The following FRMPD1 variants were observed in gnomAD, a reference collection of about 807,000 sequenced individuals.
FRMPD1 encodes FERM and PDZ domain containing 1.
Under a neutral mutation model 117.8 loss-of-function variants are expected in FRMPD1, and 76 were observed. The ratio of observed to expected loss-of-function variants is 0.65; its 90% CI spans 0.54 to 0.78. The LOEUF (loss-of-function observed/expected upper bound fraction) is 0.78. FRMPD1 is among the 30% of genes least tolerant of loss of function. The probability of loss-of-function intolerance (pLI) is 0.00; values close to 1 mark genes in which losing one functional copy is unlikely to be tolerated. For synonymous variants in FRMPD1, 783 were observed against 770.4 expected (o/e 1.02, Z -0.27); for missense variants, 1,786 against 1,964.5 (o/e 0.91, Z 1.72).
At position 37,745,260 on chromosome 9, in the gene FRMPD1, G is replaced by A; in HGVS notation, c.3228G>A (p.Leu1076=). 2 of 1,612,578 alleles carry A rather than the reference G, an allele frequency of 1.2e-6. No individual in the cohort carries two copies. Among genetic ancestry groups the A allele is most frequent in the South Asian group, 1.1e-5 (1 of 91,050 alleles). The change falls in exon 16 of 16, where the codon TTG becomes TTA. Residue 1076 remains leucine (L), a synonymous_variant. Transcript: ENST00000377765. ...ETAPKYTEPL[L]SPRDEPRSDE... is the part of the protein sequence containing the mutation. Reference sequence around the variant, plus strand: ...CCCCCAAATACACAGAGCCTTTGTTGTCTCCTAGAGATGAGCCTAGAAGTG... The same window carrying A: ...CCCCCAAATACACAGAGCCTTTGTTATCTCCTAGAGATGAGCCTAGAAGTG...
intron 13 of FRMPD1, 72 bp from the exon 14 acceptor site, chr9:37,737,024 A>T: frequency 8.3e-7 from 1 of 1,201,726 alleles, no homozygotes; most frequent in Non-Finnish European, 1.2e-6. Context: ...TTGGTCCCAC[A>T]TGGCTTTGTT....
chr9:37,616,602 G>A, the FRMPD1 span, among the ~76,000 whole-genome samples: 2 of 152,194 alleles, frequency 1.3e-5, no homozygotes, highest in African/African-American at 4.8e-5. Flanking sequence ...CACCTGCACT[G>A]AGAAGAAATA....
At chr9:37,722,564 C>T (rs562169926) in intron 6 of FRMPD1, among the ~76,000 whole-genome samples, 5 of 152,090 alleles carry the variant, frequency 3.3e-5, no homozygotes, top group East Asian at 1.9e-4. Context: ...TGTGCCACCA[C>T]GCCCGGCTAA....
rs770969249 is a variant in FRMPD1, at chr9:37,746,790, C to T, written c.*21C>T. The T allele has an allele frequency of 1.3e-6, 2 of 1,561,566 alleles. No homozygotes were observed. The highest frequency in any genetic ancestry group is 1.8e-6 in the Non-Finnish European group (2 of 1,133,574). ...TGTAAACAGGTCAACGGCCCAAGGG[C>T]CTCCTGCCCTGTCCTGCCTTGGACA... On this transcript the variant is annotated 3_prime_UTR_variant, in exon 16 of 16. Coordinates refer to ENST00000377765, the MANE Select transcript of FRMPD1 (RefSeq NM_014907.3).
At chr9:37,707,251 CAGTCCTA>C (rs1822741619) in intron 2 of FRMPD1, among the ~76,000 whole-genome samples, 158 bp from the exon 3 acceptor site, 1 of 152,200 alleles carries the variant, frequency 6.6e-6, no homozygotes, top group Non-Finnish European at 1.5e-5. Context: ...TTTTAGAGGA[CAGTCCTA>C]AGTTCTGCTA....
intron 1 of FRMPD1, among the ~76,000 whole-genome samples, chr9:37,687,837 A>G (rs980419595): frequency 4.6e-5 from 7 of 152,256 alleles, no homozygotes; most frequent in East Asian, 1.9e-4. Context: ...GAGCTGTGCT[A>G]GTAATCAAAT....
At chr9:37,728,698 C>T (rs549725260) in intron 7 of FRMPD1, among the ~76,000 whole-genome samples, 5 of 152,252 alleles carry the variant, frequency 3.3e-5, no homozygotes, top group South Asian at 2.1e-4. Context: ...CGTGGTGGCT[C>T]ATTCCTGTAA....
chr9:37,658,843 T>C (rs1299901281), intron 1 of FRMPD1, among the ~76,000 whole-genome samples: 5 of 152,238 alleles, frequency 3.3e-5, no homozygotes, highest in Non-Finnish European at 7.4e-5. Flanking sequence ...TACAGGTTCC[T>C]GGGATTGGGA....
chr9:37,652,419 A>G (rs1257867933), intron 1 of FRMPD1, among the ~76,000 whole-genome samples: 2 of 152,228 alleles, frequency 1.3e-5, no homozygotes, highest in Non-Finnish European at 1.5e-5. Flanking sequence ...CTTTTGCCCA[A>G]TATCTTGTTC....
At chr9:37,672,003 A>G (rs62533875) in intron 1 of FRMPD1, among the ~76,000 whole-genome samples, 15,148 of 152,084 alleles carry the variant, frequency 0.1, 1,125 homozygotes, top group African/African-American at 0.21. Flanking sequence ...CAAACAAACA[A>G]AACAATTGGG....
the FRMPD1 span, among the ~76,000 whole-genome samples, chr9:37,642,915 C>T: frequency 6.6e-6 from 1 of 152,174 alleles, no homozygotes; most frequent in African/African-American, 2.4e-5. Context: ...TCTCACTCCT[C>T]TTTTTTCTTT....
chr9:37,685,508 C>T (rs955352578), intron 1 of FRMPD1, among the ~76,000 whole-genome samples: 9 of 151,954 alleles, frequency 5.9e-5, no homozygotes, highest in East Asian at 3.9e-4. Flanking sequence ...AAAATTTAGC[C>T]GGGCGTGGTG....
At chr9:37,626,924 G>A in the FRMPD1 span, among the ~76,000 whole-genome samples, 1 of 152,176 alleles carries the variant, frequency 6.6e-6, no homozygotes, top group Admixed American at 6.5e-5. Context: ...AGTTCGAGCA[G>A]TACTGGTTTA....
intron 3 of FRMPD1, 150 bp from the exon 4 acceptor site, chr9:37,708,249 A>G (rs572406436): frequency 1.1e-4 from 68 of 593,612 alleles, no homozygotes; most frequent in Middle Eastern, 9.3e-4. Flanking sequence ...GAAAATTAAG[A>G]TCCACATGAG....
At chr9:37,721,020 C>G (rs1191937022) in intron 6 of FRMPD1, among the ~76,000 whole-genome samples, 1 of 152,222 alleles carries the variant, frequency 6.6e-6, no homozygotes, top group Non-Finnish European at 1.5e-5. Context: ...ACAGGGTCAC[C>G]TGGTTGATTT....
chr9:37,672,300 G>A (rs530462107), intron 1 of FRMPD1, among the ~76,000 whole-genome samples: 23 of 152,304 alleles, frequency 1.5e-4, no homozygotes, highest in East Asian at 5.8e-4. Context: ...CAGAGGCTCC[G>A]TGCCATGAAC....
chr9:37,645,113 A>AAG, the FRMPD1 span, among the ~76,000 whole-genome samples: 17 of 147,910 alleles, frequency 1.1e-4, no homozygotes, highest in Middle Eastern at 3.4e-3. Flanking sequence ...AAAAAAAAAA[A>AAG]AGAGAGAGAG....
chr9:37,745,114 G>A lies in FRMPD1; in HGVS notation c.3082G>A (p.Ala1028Thr). The change falls in exon 16 of 16, where the codon GCC (alanine) becomes ACC (threonine). Residue 1028 changes from alanine to threonine, a missense_variant. Physicochemically the swap from Ala to Thr is moderately conservative, Grantham distance 58. Transcript: ENST00000377765. ...CCCTAACCCAGACAGAGCCTGCCTGGCCAGCAACCCAGGACTAAATAATGT... is the reference window on the plus strand; with the variant it reads ...CCCTAACCCAGACAGAGCCTGCCTGACCAGCAACCCAGGACTAAATAATGT... ...GDPNPDRACL[A>T]SNPGLNNVSQ... 1 of 1,614,100 alleles carries A rather than the reference G, an allele frequency of 6.2e-7. No individual in the cohort carries two copies. The highest frequency in any genetic ancestry group is 8.5e-7 in the Non-Finnish European group (1 of 1,180,028).
rs527395778 is a variant in FRMPD1, at chr9:37,697,902, G to A, written c.101+5160G>A. 1.9e-4 allele frequency among the ~76,000 whole-genome samples: 29 copies of A among 152,324 alleles called. 1 individual carries two copies. The East Asian group carries it at 5.6e-3, about 29-fold the overall frequency. On this transcript the variant is annotated intron_variant, in intron 2 of 15. Coordinates refer to ENST00000377765, the MANE Select transcript of FRMPD1 (RefSeq NM_014907.3). The stretch of plus-strand genomic sequence containing the variant: ...GAAGCCAAGATGGGCAGATCACAAG[G>A]TCAGGAGTTCGAGACCAGCCTGGCC...
Sources: allele counts gnomAD v4.1 joint callset (sites outside exome capture counted in the v4.1 genomes callset), GRCh38; gene constraint gnomAD v4.1.1; transcripts MANE v1.5; gene names NCBI Gene and HGNC (gene_info 2026-07-23, HGNC 2026-07-21).